The following SEMA3E variants were observed in gnomAD, a reference collection of about 807,000 sequenced individuals.
The protein encoded by SEMA3E is semaphorin-3E.
Under a neutral mutation model 93.6 loss-of-function variants are expected in SEMA3E, and 49 were observed. That is an observed-to-expected ratio of 0.52 (90% confidence interval 0.42 to 0.66). SEMA3E has a LOEUF of 0.66. Ranked by LOEUF, SEMA3E falls within the 30% of genes least tolerant of loss-of-function variation. SEMA3E has a pLI of 0.00. For synonymous variants in SEMA3E, 363 were observed against 330.7 expected (o/e 1.10, Z -1.06); for missense variants, 906 against 964.8 (o/e 0.94, Z 0.81).
chr7:83,477,931 T>C (rs1269731567), intron 2 of SEMA3E, among the ~76,000 whole-genome samples: 1 of 152,050 alleles, frequency 6.6e-6, no homozygotes, highest in Non-Finnish European at 1.5e-5. Flanking sequence ...TTTGGCTTTT[T>C]TTTTTTGAGA....
chr7:83,525,314 C>T (rs984837752), intron 1 of SEMA3E, among the ~76,000 whole-genome samples: 1 of 151,836 alleles, frequency 6.6e-6, no homozygotes, highest in African/African-American at 2.4e-5. Flanking sequence ...TTTTATATTT[C>T]TCCAGTGTTC....
At chr7:83,528,374 T>C (rs1791210979) in intron 1 of SEMA3E, among the ~76,000 whole-genome samples, 1 of 152,146 alleles carries the variant, frequency 6.6e-6, no homozygotes, top group South Asian at 2.1e-4. Context: ...AGGGATTGAA[T>C]AGGAGCTTTG....
chr7:83,531,142 T>C (rs1352990238), intron 1 of SEMA3E, among the ~76,000 whole-genome samples: 1 of 151,936 alleles, frequency 6.6e-6, no homozygotes, highest in Non-Finnish European at 1.5e-5. Flanking sequence ...AATAAAATCA[T>C]CTTGCCCTAA....
rs189873877 is a variant in SEMA3E, at chr7:83,366,056, T to G, written c.*1530A>C. 2 of 152,136 alleles carry G rather than the reference T, an allele frequency of 1.3e-5. No individual in the cohort carries two copies. The highest frequency in any genetic ancestry group is 2.9e-5 in the Non-Finnish European group (2 of 67,972). 9.4% of individuals were successfully genotyped at this position (152,136 alleles called of 1,614,324 possible). On this transcript the variant is annotated 3_prime_UTR_variant, in exon 17 of 17. Transcript: ENST00000643230. ...AGCATGGTGACTTATCTGAATAAAC[T>G]TAAATTTTTCTTAAAATATTTATGT...
At chr7:83,511,822 C>T (rs1790827931) in intron 1 of SEMA3E, among the ~76,000 whole-genome samples, 2 of 151,946 alleles carry the variant, frequency 1.3e-5, no homozygotes, top group South Asian at 2.1e-4. Context: ...TTGAACTCCG[C>T]GAGGCAGAGG....
rs117561607 is a variant in SEMA3E at position 83,413,779 on chromosome 7, A to G, written c.550+4611T>C. On this transcript the variant is annotated intron_variant, in intron 5 of 16. Coordinates refer to ENST00000643230, the MANE Select transcript of SEMA3E (RefSeq NM_012431.3). ...TGAGGCATGAAGGAACAATAAAAAT[A>G]TCTTTTGAATCTGTTTATTTGTGTG... Among the ~76,000 whole-genome samples the G allele has an allele frequency of 6.7e-3, 1,020 of 152,236 alleles. 6 individuals carry two copies. The highest frequency in any genetic ancestry group is 0.013 in the South Asian group (61 of 4,816).
At chr7:83,516,066 C>T (rs1289917100) in intron 1 of SEMA3E, among the ~76,000 whole-genome samples, 1 of 151,584 alleles carries the variant, frequency 6.6e-6, no homozygotes, top group Non-Finnish European at 1.5e-5. Flanking sequence ...TACACAAAAA[C>T]CCAAAGAAAG....
At chr7:83,485,899 T>C (rs1302729284) in intron 2 of SEMA3E, among the ~76,000 whole-genome samples, 1 of 152,122 alleles carries the variant, frequency 6.6e-6, no homozygotes, top group African/African-American at 2.4e-5. Context: ...TCCTTTTCTG[T>C]ATGAAATGTT....
chr7:83,466,431 AG>A, intron 4 of SEMA3E, 50 bp downstream of exon 4: 1 of 1,602,500 alleles, frequency 6.2e-7, no homozygotes, highest in Non-Finnish European at 8.5e-7. Context: ...TTTGAGAACA[AG>A]GTTGTTTTAA....
At position 83,366,035 on chromosome 7, in the gene SEMA3E, T is replaced by A. The variant is rs1242810864; in HGVS notation, c.*1551A>T. On this transcript the variant is annotated 3_prime_UTR_variant, in exon 17 of 17. Coordinates refer to ENST00000643230, the MANE Select transcript of SEMA3E (RefSeq NM_012431.3). ...TGCATTTCTTAGATCTTTTGAAGCA[T>A]GGTGACTTATCTGAATAAACTTAAA... 6.6e-6 allele frequency: 1 copy of A among 152,274 alleles called. No homozygotes were observed. Among genetic ancestry groups the A allele is most frequent in the East Asian group, 1.9e-4 (1 of 5,184 alleles). 9.4% of individuals were successfully genotyped at this position (152,274 alleles called of 1,614,324 possible). A position where few individuals can be genotyped will look rare whatever the true frequency, so the allele number is the denominator to read the frequency against.
chr7:83,575,768 CTT>C (rs996929378), intron 1 of SEMA3E, among the ~76,000 whole-genome samples: 7 of 152,038 alleles, frequency 4.6e-5, no homozygotes, highest in East Asian at 1.9e-4. Flanking sequence ...GAAAATATAT[CTT>C]AACATTTTTA....
intron 14 of SEMA3E, among the ~76,000 whole-genome samples, chr7:83,389,732 CAT>C (rs894788517): frequency 6.9e-5 from 10 of 144,836 alleles, no homozygotes; most frequent in African/African-American, 1.5e-4. Context: ...TACATGTATA[CAT>C]ATATACACGT....
intron 4 of SEMA3E, among the ~76,000 whole-genome samples, chr7:83,446,516 C>T (rs986807478): frequency 5.3e-5 from 8 of 152,076 alleles, no homozygotes. Context: ...AATCTGGGGG[C>T]ATTGAAAGAC....
At chr7:83,577,848 TATC>T (rs777272635) in intron 1 of SEMA3E, among the ~76,000 whole-genome samples, 8 of 152,034 alleles carry the variant, frequency 5.3e-5, no homozygotes, top group African/African-American at 9.7e-5. Context: ...TTTTCATAGT[TATC>T]ATAAATATAA....
At chr7:83,546,366 T>C (rs1030783530) in intron 1 of SEMA3E, among the ~76,000 whole-genome samples, 1 of 101,222 alleles carries the variant, frequency 9.9e-6, no homozygotes, top group Admixed American at 1.1e-4. Context: ...GTGTGTGTGT[T>C]GAGAAAGGAG....
intron 4 of SEMA3E, among the ~76,000 whole-genome samples, chr7:83,453,669 C>T (rs1251595712): frequency 1.3e-5 from 2 of 152,124 alleles, no homozygotes; most frequent in East Asian, 3.9e-4. Flanking sequence ...ATTTTTAAAT[C>T]AGTAAAACAT....
chr7:83,488,168 G>T (rs1351767997), intron 2 of SEMA3E, among the ~76,000 whole-genome samples: 1 of 152,164 alleles, frequency 6.6e-6, no homozygotes, highest in South Asian at 2.1e-4. Flanking sequence ...TGCATAATAA[G>T]CAGTAATGCC....
intron 1 of SEMA3E, among the ~76,000 whole-genome samples, chr7:83,606,855 A>T (rs936840192): frequency 6.6e-6 from 1 of 152,180 alleles, no homozygotes; most frequent in African/African-American, 2.4e-5. Flanking sequence ...ATTGTGGCCA[A>T]TATTAAATTA....
At chr7:83,554,183 A>G (rs564414736) in intron 1 of SEMA3E, among the ~76,000 whole-genome samples, 1 of 152,316 alleles carries the variant, frequency 6.6e-6, no homozygotes, top group East Asian at 1.9e-4. Flanking sequence ...TACATTGTAC[A>G]TGGATTTTCA....
Sources: gnomAD v4.1 joint callset for allele counts (sites outside exome capture counted in the v4.1 genomes callset) on GRCh38, gnomAD v4.1.1 for gene constraint, MANE v1.5 for transcripts, NCBI Gene and HGNC (gene_info 2026-07-23, HGNC 2026-07-21) for gene names.